Variants in UBR3 observed in about 807,000 individuals in gnomAD.
UBR3 encodes the protein E3 ubiquitin-protein ligase UBR3.
Under a neutral mutation model 243.2 loss-of-function variants are expected in UBR3, and 85 were observed. That is an observed-to-expected ratio of 0.35 (90% CI 0.29 to 0.42). The LOEUF is 0.42. UBR3 is among the 10% of genes least tolerant of loss of function. The pLI is 1.00. For synonymous variants in UBR3, 748 were observed against 799.8 expected (o/e 0.94, Z 1.09); for missense variants, 1,686 against 2,300.8 (o/e 0.73, Z 5.47).
At chr2:170,058,171 TTC>T (rs1028707506) in intron 33 of UBR3, among the ~76,000 whole-genome samples, 1 of 152,314 alleles carries the variant, frequency 6.6e-6, no homozygotes, top group South Asian at 2.1e-4. Flanking sequence ...TCTTTACGTC[TTC>T]TCTCACCCCT....
chr2:169,946,213 A>G (rs1462028194), intron 20 of UBR3, 75 bp from the exon 21 acceptor site: 2 of 861,058 alleles, frequency 2.3e-6, no homozygotes, highest in Admixed American at 6.7e-5. Flanking sequence ...GAACAGTAAA[A>G]TATTTTTGGA....
chr2:169,933,027 T>G lies in UBR3; in HGVS notation c.2663+19T>G. The stretch of plus-strand genomic sequence containing the variant: ...CTGCATTGTAAGTCCATCAAATTGA[T>G]TAGCATCATAACAGTATTTTATATT... On this transcript the variant is annotated intron_variant, in intron 19 of 38. Coordinates refer to ENST00000272793, the MANE Select transcript of UBR3 (RefSeq NM_172070.4). 6.7e-7 allele frequency: 1 copy of G among 1,487,328 alleles called. No individual in the cohort carries two copies. Among genetic ancestry groups the G allele is most frequent in the Non-Finnish European group, 9.0e-7 (1 of 1,114,052 alleles). 92.1% of individuals were successfully genotyped at this position (1,487,328 alleles called of 1,614,324 possible). A position where few individuals can be genotyped will look rare whatever the true frequency, so the allele number is the denominator to read the frequency against.
chr2:170,001,136 A>G (rs2089680424), intron 26 of UBR3, among the ~76,000 whole-genome samples, 168 bp from the exon 27 acceptor site: 2 of 152,236 alleles, frequency 1.3e-5, no homozygotes, highest in South Asian at 2.1e-4. Flanking sequence ...TTTTAAAGAT[A>G]GTGCCTGAAG....
intron 1 of UBR3, 57 bp downstream of exon 1, chr2:169,828,109 G>A: frequency 7.5e-7 from 1 of 1,342,158 alleles, no homozygotes; most frequent in Non-Finnish European, 9.6e-7. Context: ...GTCGCGGGAG[G>A]GCCTGGAGCG....
At chr2:170,064,005 G>T (rs1242884099) in intron 35 of UBR3, among the ~76,000 whole-genome samples, 1 of 152,104 alleles carries the variant, frequency 6.6e-6, no homozygotes, top group Non-Finnish European at 1.5e-5. Flanking sequence ...CCATATACTT[G>T]CCAGCAGTTC....
At chr2:169,923,688 T>C (rs60123504) in intron 11 of UBR3, among the ~76,000 whole-genome samples, 6,571 of 152,282 alleles carry the variant, frequency 0.043, 164 homozygotes, top group Middle Eastern at 0.068. Flanking sequence ...TACTGGATGC[T>C]TCAGAGGATT....
chr2:169,839,249 A>G (rs965714972), intron 1 of UBR3, among the ~76,000 whole-genome samples: 4 of 152,246 alleles, frequency 2.6e-5, no homozygotes, highest in African/African-American at 9.6e-5. Context: ...TCATTATGTT[A>G]AGTGAAATAA....
intron 8 of UBR3, among the ~76,000 whole-genome samples, chr2:169,900,023 T>G (rs1030673073): frequency 1.3e-5 from 2 of 152,220 alleles, no homozygotes; most frequent in Non-Finnish European, 2.9e-5. Flanking sequence ...GTAAAGGGAT[T>G]GCTGGGTCAA....
intron 1 of UBR3, among the ~76,000 whole-genome samples, chr2:169,855,557 C>G (rs373833141): frequency 7.2e-5 from 11 of 152,094 alleles, no homozygotes; most frequent in East Asian, 1.9e-4. Context: ...TGACTCTTAA[C>G]GAGCATGCTG....
chr2:169,841,852 C>G (rs557633719), intron 1 of UBR3, among the ~76,000 whole-genome samples: 209 of 152,352 alleles, frequency 1.4e-3, no homozygotes, highest in Non-Finnish European at 2.6e-3. Flanking sequence ...TGAGCTTCCC[C>G]GACGAGCACC....
chr2:169,980,314 A>G (rs2088659339), intron 24 of UBR3, among the ~76,000 whole-genome samples: 1 of 152,220 alleles, frequency 6.6e-6, no homozygotes, highest in Non-Finnish European at 1.5e-5. Context: ...ACAGCTCTAG[A>G]TAAAGATGGA....
chr2:170,077,451 T>C (rs1045982869), intron 36 of UBR3: 1 of 1,480,358 alleles, frequency 6.8e-7, no homozygotes, highest in Non-Finnish European at 9.0e-7. Context: ...GTTCAGGATG[T>C]GTTACATGGG....
chr2:169,829,812 AGTAC>A (rs1231662629), intron 1 of UBR3, among the ~76,000 whole-genome samples: 10 of 128,902 alleles, frequency 7.8e-5, no homozygotes, highest in South Asian at 2.5e-4. Context: ...ATAGCTAAAA[AGTAC>A]ACACACACAC....
chr2:169,894,949 C>G (rs2084525312), intron 6 of UBR3, among the ~76,000 whole-genome samples: 1 of 152,100 alleles, frequency 6.6e-6, no homozygotes, highest in African/African-American at 2.4e-5. Flanking sequence ...GCATCCATTC[C>G]CCCCATTCAT....
At chr2:169,938,884 T>C (rs1408155129) in intron 19 of UBR3, among the ~76,000 whole-genome samples, 2 of 152,220 alleles carry the variant, frequency 1.3e-5, no homozygotes, top group Non-Finnish European at 2.9e-5. Flanking sequence ...CATGTGGTGT[T>C]CCTTTGAGTT....
chr2:169,842,350 G>A (rs765046475), intron 1 of UBR3, among the ~76,000 whole-genome samples: 208 of 152,222 alleles, frequency 1.4e-3, no homozygotes, highest in Non-Finnish European at 2.3e-3. Context: ...ACCAATCAGC[G>A]CCCTGACAAA....
intron 28 of UBR3, 114 bp downstream of exon 28, chr2:170,007,304 C>T: frequency 8.7e-7 from 1 of 1,150,778 alleles, no homozygotes; most frequent in Non-Finnish European, 1.2e-6. Context: ...GTAGAAATTG[C>T]TTTTAGAGGT....
At chr2:170,076,571 T>C (rs2091815152) in intron 36 of UBR3, among the ~76,000 whole-genome samples, 1 of 152,200 alleles carries the variant, frequency 6.6e-6, no homozygotes, top group Non-Finnish European at 1.5e-5. Flanking sequence ...CTGCTCACCC[T>C]GAATTCAATA....
At position 169,827,482 on chromosome 2, in the gene UBR3, G is replaced by T. The variant is rs2081775649; in HGVS notation, c.-26G>T. The T allele has an allele frequency of 3.3e-6, 4 of 1,224,310 alleles. No homozygotes were observed. Among genetic ancestry groups the T allele is most frequent in the South Asian group, 4.2e-5 (1 of 23,900 alleles). 75.8% of individuals were successfully genotyped at this position (1,224,310 alleles called of 1,614,324 possible). A position where few individuals can be genotyped will look rare whatever the true frequency, so the allele number is the denominator to read the frequency against. On this transcript the variant is annotated 5_prime_UTR_variant, in exon 1 of 39. Coordinates refer to ENST00000272793, the MANE Select transcript of UBR3 (RefSeq NM_172070.4). ...CTCCCTGGAGGAGCCGCTGGCCCTG[G>T]ACTCTCCAAATTCTGAGCTCTCATC... is the stretch of plus-strand genomic sequence containing the variant.
Sources: allele counts gnomAD v4.1 joint callset (sites outside exome capture counted in the v4.1 genomes callset), GRCh38; gene constraint gnomAD v4.1.1; transcripts MANE v1.5; gene names NCBI Gene and HGNC (gene_info 2026-07-23, HGNC 2026-07-21).